The following SEC63 variants were observed in gnomAD, a reference collection of about 807,000 sequenced individuals.
SEC63 encodes translocation protein SEC63 homolog.
A neutral mutation model predicts 116.2 loss-of-function variants in SEC63; 56 were observed. The ratio of observed to expected loss-of-function variants is 0.48; its 90% CI spans 0.39 to 0.60. SEC63 has a LOEUF of 0.60. SEC63 is among the 20% of genes least tolerant of loss of function. The pLI is 0.00. For missense variants in SEC63, 668 were observed against 900.0 expected (o/e 0.74, Z 3.30); for synonymous variants, 273 against 294.6 (o/e 0.93, Z 0.75).
chr6:107,942,141 T>G (rs920908591), intron 1 of SEC63, among the ~76,000 whole-genome samples: 1 of 152,228 alleles, frequency 6.6e-6, no homozygotes, highest in Non-Finnish European at 1.5e-5. Context: ...TTCTTGGTAT[T>G]GTGGATCTCT....
chr6:107,912,642 A>T, intron 6 of SEC63, 74 bp downstream of exon 6: 3 of 843,544 alleles, frequency 3.6e-6, no homozygotes, highest in Non-Finnish European at 6.1e-6. Flanking sequence ...TTCTTCTTGT[A>T]TTACCAAGAC....
intron 1 of SEC63, among the ~76,000 whole-genome samples, chr6:107,953,799 T>G (rs1343038586): frequency 8.1e-4 from 48 of 59,110 alleles, no homozygotes; most frequent in South Asian, 1.7e-3. Context: ...GAGGTGGGGG[T>G]GTGAGCCCCC....
intron 16 of SEC63, among the ~76,000 whole-genome samples, chr6:107,892,299 A>G (rs1408563699): frequency 6.6e-6 from 1 of 152,082 alleles, no homozygotes; most frequent in African/African-American, 2.4e-5. Context: ...AGCATCATCT[A>G]TTTTACAACA....
intron 1 of SEC63, among the ~76,000 whole-genome samples, chr6:107,948,665 C>G (rs1403421223): frequency 6.6e-6 from 1 of 152,130 alleles, no homozygotes; most frequent in Non-Finnish European, 1.5e-5. Flanking sequence ...AATGAAGAAG[C>G]CTCAAGGTCT....
chr6:107,940,792 T>TA (rs35107353), intron 1 of SEC63, among the ~76,000 whole-genome samples: 106,486 of 142,298 alleles, frequency 0.75, 41,208 homozygotes, highest in South Asian at 0.9. Context: ...AAAGTATTCT[T>TA]AAAAAAAAAA....
intron 15 of SEC63, 36 bp downstream of exon 15, chr6:107,893,802 A>G (rs747753391): frequency 1.9e-6 from 3 of 1,611,752 alleles, no homozygotes; most frequent in Non-Finnish European, 2.5e-6. Context: ...TATTTCTTTC[A>G]CTAGGAAAAA....
At position 107,897,726 on chromosome 6, in the gene SEC63, C is replaced by A; in HGVS notation, c.1363G>T (p.Asp455Tyr). The A allele has an allele frequency of 6.3e-7, 1 of 1,599,624 alleles. No homozygotes were observed. The highest frequency in any genetic ancestry group is 8.6e-7 in the Non-Finnish European group (1 of 1,167,258). ...GTGATGTTGTTGCTATCTTCATCAT[C>A]TAACACTGTTAAGATGGAAGAAAAA... is the stretch of plus-strand genomic sequence containing the variant. Reference protein sequence around the residue: ...VTMDIKSQVLDDEDSNNITVG... With the variant: ...VTMDIKSQVLYDEDSNNITVG... Residue 455 changes from aspartate to tyrosine, a missense_variant, in exon 14 of 21, where the codon GAT (aspartate) becomes TAT (tyrosine). Coordinates refer to ENST00000369002, the MANE Select transcript of SEC63 (RefSeq NM_007214.5).
chr6:107,887,353 G>A (rs1480038931), intron 16 of SEC63, among the ~76,000 whole-genome samples: 2 of 142,326 alleles, frequency 1.4e-5, no homozygotes, highest in Admixed American at 1.4e-4. Context: ...CAACCCAAAT[G>A]TCCAACAATG....
chr6:107,907,188 T>C (rs997305955), intron 8 of SEC63, among the ~76,000 whole-genome samples: 1 of 152,226 alleles, frequency 6.6e-6, no homozygotes, highest in Non-Finnish European at 1.5e-5. Context: ...ACATGACTTC[T>C]CAAGGCCTTT....
intron 4 of SEC63, among the ~76,000 whole-genome samples, chr6:107,913,908 C>G (rs960433781): frequency 1.3e-5 from 2 of 152,164 alleles, no homozygotes; most frequent in Non-Finnish European, 2.9e-5. Flanking sequence ...AATAGCACCA[C>G]ATTCTGAAAG....
chr6:107,906,924 A>G, intron 8 of SEC63, 147 bp from the exon 9 acceptor site: 1 of 674,982 alleles, frequency 1.5e-6, no homozygotes, highest in South Asian at 1.7e-5. Flanking sequence ...ACAAGTATTT[A>G]TTTCTTCCAT....
intron 2 of SEC63, among the ~76,000 whole-genome samples, chr6:107,928,629 T>A (rs1048764548): frequency 2.6e-5 from 4 of 152,228 alleles, no homozygotes; most frequent in African/African-American, 9.6e-5. Flanking sequence ...CTACTCTCAC[T>A]AATTTCTTTT....
chr6:107,893,697 G>A, intron 15 of SEC63, 42 bp from the exon 16 acceptor site: 1 of 1,609,796 alleles, frequency 6.2e-7, no homozygotes, highest in Non-Finnish European at 8.5e-7. Flanking sequence ...TATAGCAACA[G>A]ATTCAATTGA....
In SEC63 at chr6:107,871,662, T is replaced by C. The variant is rs776210937; in HGVS notation, c.*42A>G. ...GATACACTTCCAAAACAGCAAAAAA[T>C]TGCAAATATGTGCAAACACTGTGGT... On this transcript the variant is annotated 3_prime_UTR_variant, in exon 21 of 21. Coordinates refer to ENST00000369002, the MANE Select transcript of SEC63 (RefSeq NM_007214.5). The C allele has an allele frequency of 6.8e-6, 11 of 1,608,170 alleles. No homozygotes were observed. The highest frequency in any genetic ancestry group is 8.5e-6 in the Non-Finnish European group (10 of 1,177,362).
In SEC63 at chr6:107,906,558, A is replaced by C; in HGVS notation, c.851T>G (p.Ile284Ser). 6.2e-7 allele frequency: 1 copy of C among 1,613,254 alleles called. No homozygotes were observed. The highest frequency in any genetic ancestry group is 8.5e-7 in the Non-Finnish European group (1 of 1,179,226). Residue 284 changes from isoleucine to serine, a missense_variant, in exon 10 of 21, where the codon ATT becomes AGT. Coordinates refer to ENST00000369002, the MANE Select transcript of SEC63 (RefSeq NM_007214.5). ...IPQLIREIGS[I>S]NLKKNEPPLT... is the part of the protein sequence containing the mutation. ...TGGAGGCTCATTCTTCTTTAAATTA[A>C]TGCTGCCAATTTCTCTGATTAGCTA...
At chr6:107,910,890 T>C (rs1035679696) in intron 7 of SEC63, among the ~76,000 whole-genome samples, 2 of 152,014 alleles carry the variant, frequency 1.3e-5, no homozygotes, top group African/African-American at 4.8e-5. Context: ...CTGACTAATT[T>C]TGTATTTTTA....
At chr6:107,907,960 C>T (rs1465078924) in intron 8 of SEC63, among the ~76,000 whole-genome samples, 3 of 152,106 alleles carry the variant, frequency 2.0e-5, no homozygotes, top group Non-Finnish European at 4.4e-5. Context: ...AAACATGAAA[C>T]ATTTTCATAA....
intron 1 of SEC63, among the ~76,000 whole-genome samples, chr6:107,939,028 A>G (rs2114503417): frequency 6.6e-6 from 1 of 152,316 alleles, no homozygotes; most frequent in Middle Eastern, 3.4e-3. Context: ...CATGCCTTTA[A>G]TCTCAGCACT....
chr6:107,940,843 C>T (rs778719854), intron 1 of SEC63, among the ~76,000 whole-genome samples: 1 of 149,124 alleles, frequency 6.7e-6, no homozygotes, highest in Admixed American at 6.7e-5. Flanking sequence ...TTACCTGGGA[C>T]GCGGGGAGGG....
Sources: allele counts gnomAD v4.1 joint callset (sites outside exome capture counted in the v4.1 genomes callset), GRCh38; gene constraint gnomAD v4.1.1; transcripts MANE v1.5; gene names NCBI Gene and HGNC (gene_info 2026-07-23, HGNC 2026-07-21).